Variants in GRAMD1B observed in about 807,000 individuals in gnomAD.
The protein encoded by GRAMD1B is protein Aster-B.
A neutral mutation model predicts 99.7 loss-of-function variants in GRAMD1B; 37 were observed. The ratio of observed to expected loss-of-function variants is 0.37; its 90% CI spans 0.29 to 0.49. The LOEUF (loss-of-function observed/expected upper bound fraction) is 0.49, where lower values mean the gene tolerates loss of function less well. Ranked by LOEUF, GRAMD1B falls within the 20% of genes least tolerant of loss-of-function variation. The pLI is 0.98. For synonymous variants in GRAMD1B, 427 were observed against 387.6 expected (o/e 1.10, Z -1.19); for missense variants, 888 against 1,009.2 (o/e 0.88, Z 1.63).
At chr11:123,482,102 ATT>A (rs779027289) in intron 2 of GRAMD1B, among the ~76,000 whole-genome samples, 2 of 147,324 alleles carry the variant, frequency 1.4e-5, no homozygotes, top group South Asian at 2.1e-4. Flanking sequence ...TTAATTTTTA[ATT>A]TTTTTTTTTT....
At chr11:123,597,162 T>A (rs1341390155) in intron 7 of GRAMD1B, among the ~76,000 whole-genome samples, 1 of 146,278 alleles carries the variant, frequency 6.8e-6, no homozygotes, top group Non-Finnish European at 1.5e-5. Flanking sequence ...GGGGCCTCAC[T>A]ATATCTCCTA....
chr11:123,611,773 C>T (rs1268516252), intron 14 of GRAMD1B, among the ~76,000 whole-genome samples: 2 of 152,006 alleles, frequency 1.3e-5, no homozygotes, highest in African/African-American at 4.8e-5. Context: ...TCTCCAAGTA[C>T]AGGCATTCTC....
At chr11:123,426,605 G>A (rs753668898), upstream of GRAMD1B, among the ~76,000 whole-genome samples, 21 of 152,064 alleles carry the variant, frequency 1.4e-4, no homozygotes, top group Non-Finnish European at 2.4e-4. Flanking sequence ...TTGGCCGTTC[G>A]AATGTTGTGT....
chr11:123,375,653 A>G (rs1360653480), intron 1 of GRAMD1B, among the ~76,000 whole-genome samples: 1 of 152,248 alleles, frequency 6.6e-6, no homozygotes, highest in Non-Finnish European at 1.5e-5. Context: ...GGAGAAGGTG[A>G]GAGTCACACT....
intron 2 of GRAMD1B, among the ~76,000 whole-genome samples, chr11:123,569,871 G>A (rs926846091): frequency 1.3e-5 from 2 of 152,220 alleles, no homozygotes; most frequent in African/African-American, 4.8e-5. Context: ...CTTGTGATAT[G>A]GCTGTGGGCC....
At chr11:123,435,741 G>C (rs1354063033) in intron 1 of GRAMD1B, 1 of 351,526 alleles carries the variant, frequency 2.8e-6, no homozygotes, top group Non-Finnish European at 5.1e-6. Context: ...TTATTCATGA[G>C]TGTGGGAAAA....
rs190707301 is a variant in GRAMD1B at position 123,431,066 on chromosome 11, T to C, written c.274T>C (p.Trp92Arg). Reference protein sequence around the residue: ...ITPSSDEDTPWSNCSTPSASP... With the variant: ...ITPSSDEDTPRSNCSTPSASP... Reference sequence around the variant, plus strand: ...GCCCTCCAGCGACGAGGACACCCCGTGGTCCAACTGCTCCACACCCAGCGC... The same window carrying C: ...GCCCTCCAGCGACGAGGACACCCCGCGGTCCAACTGCTCCACACCCAGCGC... Residue 92 changes from tryptophan to arginine, a missense_variant, in exon 1 of 20, where the codon TGG (tryptophan) becomes CGG (arginine). Coordinates refer to ENST00000635736, the MANE Select transcript of GRAMD1B (RefSeq NM_001387025.1). 2.8e-6 allele frequency: 2 copies of C among 702,878 alleles called. No individual in the cohort carries two copies. The highest frequency in any genetic ancestry group is 3.5e-5 in the African/African-American group (2 of 57,340). 43.5% of individuals were successfully genotyped at this position (702,878 alleles called of 1,614,324 possible).
At chr11:123,479,857 T>A (rs1951492827) in intron 1 of GRAMD1B, among the ~76,000 whole-genome samples, 1 of 152,220 alleles carries the variant, frequency 6.6e-6, no homozygotes, top group African/African-American at 2.4e-5. Flanking sequence ...TTTTCACCTG[T>A]CATGAAATAT....
At chr11:123,469,895 C>G (rs1950923621) in intron 1 of GRAMD1B, among the ~76,000 whole-genome samples, 1 of 151,822 alleles carries the variant, frequency 6.6e-6, no homozygotes, top group African/African-American at 2.4e-5. Context: ...ATTTACTTGC[C>G]AAGCCTTCTG....
intron 2 of GRAMD1B, chr11:123,526,266 A>G: frequency 1.9e-6 from 2 of 1,045,966 alleles, no homozygotes; most frequent in South Asian, 1.3e-5. Flanking sequence ...CATTGATGCC[A>G]TCTCACCAGG....
At chr11:123,467,160 G>A (rs1421714552) in intron 1 of GRAMD1B, among the ~76,000 whole-genome samples, 4 of 152,158 alleles carry the variant, frequency 2.6e-5, no homozygotes, top group South Asian at 2.1e-4. Flanking sequence ...CTGTATTCAC[G>A]AGAGCTAAGG....
chr11:123,619,392 G>T lies in GRAMD1B; in HGVS notation c.2544+168G>T, dbSNP rs1274746871. 9.4e-6 allele frequency: 14 copies of T among 1,487,762 alleles called. No homozygotes were observed. The Middle Eastern group carries it at 6.9e-4, about 74-fold the overall frequency. The allele number at this position is 1,487,762 out of a possible 1,614,324, so 92.2% of individuals were successfully genotyped here. A position where few individuals can be genotyped will look rare whatever the true frequency, so the allele number is the denominator to read the frequency against. On this transcript the variant is annotated intron_variant, in intron 19 of 19. Transcript: ENST00000635736. ...TCTAAATGGAAAGCCTTCCTTGAGT[G>T]GGCTGCTAGAAATGCAGGTGTATTC...
At chr11:123,566,194 C>T (rs148086578) in intron 2 of GRAMD1B, among the ~76,000 whole-genome samples, 51 of 152,228 alleles carry the variant, frequency 3.4e-4, no homozygotes, top group Admixed American at 2.7e-3. Flanking sequence ...AGGTTGTGAT[C>T]GTGCAACAGA....
At position 123,411,193 on chromosome 11, in the gene GRAMD1B, A is replaced by T. The variant is rs561426261; in HGVS notation, c.-176+52394A>T. ...CTAATTTTTTGTATATTTAGTAGAG[A>T]CGGTATTTCACCGTGTTAGCCAGGA... On this transcript the variant is annotated intron_variant, in intron 1 of 20. Coordinates refer to the GRAMD1B transcript ENST00000638157. Among the ~76,000 whole-genome samples, 13 of 151,678 alleles carry T rather than the reference A, an allele frequency of 8.6e-5. No individual in the cohort carries two copies. The South Asian group carries it at 2.7e-3, about 32-fold the overall frequency.
intron 1 of GRAMD1B, among the ~76,000 whole-genome samples, chr11:123,431,539 C>G (rs1355779704): frequency 6.6e-6 from 1 of 152,258 alleles, no homozygotes; most frequent in African/African-American, 2.4e-5. Flanking sequence ...GATTTCATCC[C>G]TACGCAAACT....
intron 2 of GRAMD1B, among the ~76,000 whole-genome samples, chr11:123,572,929 A>G (rs1216530375): frequency 8.9e-5 from 8 of 90,040 alleles, no homozygotes; most frequent in African/African-American, 1.7e-4. Flanking sequence ...CAGAGGCACA[A>G]AGAGGCCCCG....
intron 1 of GRAMD1B, among the ~76,000 whole-genome samples, chr11:123,368,697 A>AG (rs1182264741): frequency 6.6e-6 from 1 of 150,702 alleles, no homozygotes; most frequent in Admixed American, 6.6e-5. Flanking sequence ...AAAAAAAAAA[A>AG]AAAAAGAAAG....
intron 1 of GRAMD1B, chr11:123,460,393 T>A (rs1950353103): frequency 6.6e-6 from 1 of 152,030 alleles, no homozygotes; most frequent in African/African-American, 2.4e-5. Flanking sequence ...CTTTTTATGT[T>A]CTTGTCCAAG....
At chr11:123,466,385 A>AGAAAGAAAGAAAAAGAAAGAAAGG (rs1950668591) in intron 1 of GRAMD1B, among the ~76,000 whole-genome samples, 1 of 135,536 alleles carries the variant, frequency 7.4e-6, no homozygotes, top group African/African-American at 2.9e-5. Context: ...AGAGAGAGAG[A>AGAAAGAAAGAAAAAGAAAGAAAGG]AAGAAAGAAA....
Sources: allele counts gnomAD v4.1 joint callset (sites outside exome capture counted in the v4.1 genomes callset), GRCh38; gene constraint gnomAD v4.1.1; transcripts MANE v1.5; gene names NCBI Gene and HGNC (gene_info 2026-07-23, HGNC 2026-07-21).